The following TRPC5 variants were observed in gnomAD, a reference collection of about 807,000 sequenced individuals.
TRPC5 encodes short transient receptor potential channel 5.
Under a neutral mutation model 56.5 loss-of-function variants are expected in TRPC5, and 9 were observed. That is an observed-to-expected ratio of 0.16 (90% CI 0.10 to 0.28). TRPC5 has a LOEUF of 0.28. Among genes scored for constraint, TRPC5 ranks in the 10% least tolerant of loss-of-function variants. The pLI, the probability that TRPC5 is intolerant of heterozygous loss-of-function variation, is 1.00. For synonymous variants in TRPC5, 282 were observed against 278.5 expected (o/e 1.01, Z -0.13); for missense variants, 469 against 748.9 (o/e 0.63, Z 4.36).
chrX:112,030,114 C>T (rs946277681), intron 1 of TRPC5, among the ~76,000 whole-genome samples: 1 of 112,388 alleles, frequency 8.9e-6, no homozygotes, highest in African/African-American at 3.2e-5. Context: ...CGTGAGCCAC[C>T]GCACCCAGCT....
At chrX:111,829,614 C>T (rs751451229) in intron 7 of TRPC5, among the ~76,000 whole-genome samples, 1 of 112,516 alleles carries the variant, frequency 8.9e-6, no homozygotes, top group East Asian at 2.8e-4. Flanking sequence ...CCGATCTAGC[C>T]ATGGCTAAAA....
At chrX:111,873,968 C>T (rs1036819635) in intron 3 of TRPC5, among the ~76,000 whole-genome samples, 1 of 111,793 alleles carries the variant, frequency 8.9e-6, no homozygotes, top group Non-Finnish European at 1.9e-5. Flanking sequence ...CCATCCACCA[C>T]ACTCCTACAC....
At chrX:111,950,681 G>T (rs1225250824) in intron 2 of TRPC5, among the ~76,000 whole-genome samples, 4 of 112,081 alleles carry the variant, frequency 3.6e-5, no homozygotes, top group African/African-American at 1.3e-4. Context: ...AAAAAAGACA[G>T]CATTAGTTCT....
intron 7 of TRPC5, among the ~76,000 whole-genome samples, chrX:111,809,010 A>T (rs1300097346): frequency 9.1e-6 from 1 of 109,776 alleles, no homozygotes. Context: ...ACTGTGGCTG[A>T]GCCGGTATCC....
chrX:112,031,642 CATAG>C (rs1339514582), intron 1 of TRPC5, among the ~76,000 whole-genome samples: 1 of 108,841 alleles, frequency 9.2e-6, no homozygotes, highest in Non-Finnish European at 1.9e-5. Flanking sequence ...ATAATATTAT[CATAG>C]ATATAGACAT....
At position 111,776,142 on chromosome X, in the gene TRPC5, TAAAAC is replaced by T. The variant is rs898025258; in HGVS notation, c.*166_*170del. The T allele has an allele frequency of 1.2e-4, 54 of 448,310 alleles. No homozygotes were observed. Among genetic ancestry groups the T allele is most frequent in the Non-Finnish European group, 1.2e-4 (35 of 282,679 alleles). 36.9% of individuals were successfully genotyped at this position (448,310 alleles called of 1,213,427 possible). A position where few individuals can be genotyped will look rare whatever the true frequency, so the allele number is the denominator to read the frequency against. On this transcript the variant is annotated 3_prime_UTR_variant, in exon 11 of 11. Coordinates refer to ENST00000262839, the MANE Select transcript of TRPC5 (RefSeq NM_012471.3). ...AGGCAAATAATAATGAAAGTAATAATAAAACAAGAACAAAAATGGAGAATGTGGCT... is the reference window on the plus strand; with the variant it reads ...AGGCAAATAATAATGAAAGTAATAATAAGAACAAAAATGGAGAATGTGGCT...
intron 1 of TRPC5, among the ~76,000 whole-genome samples, chrX:112,032,524 T>C (rs73548199): frequency 0.034 from 3,856 of 112,176 alleles, 96 homozygotes; most frequent in African/African-American, 0.083. Flanking sequence ...CATAAATCCA[T>C]TGATGGGCAT....
chrX:111,925,947 G>A (rs180838602), intron 2 of TRPC5, among the ~76,000 whole-genome samples: 1 of 111,626 alleles, frequency 9.0e-6, no homozygotes, highest in East Asian at 2.8e-4. Context: ...TTCCGTGCAC[G>A]GTAGGATGTT....
At chrX:111,856,663 A>C (rs368849121) in intron 3 of TRPC5, among the ~76,000 whole-genome samples, 18 of 107,872 alleles carry the variant, frequency 1.7e-4, no homozygotes, top group African/African-American at 5.8e-4. Context: ...TAAGAATACA[A>C]AAATTAGCTG....
At chrX:112,028,783 A>G (rs1929499968) in intron 1 of TRPC5, among the ~76,000 whole-genome samples, 2 of 112,017 alleles carry the variant, frequency 1.8e-5, no homozygotes, top group Non-Finnish European at 3.8e-5. Flanking sequence ...TCCTTTGGGT[A>G]TATACCCAGT....
intron 5 of TRPC5, among the ~76,000 whole-genome samples, chrX:111,847,672 T>C (rs3027717): frequency 9.0e-6 from 1 of 111,555 alleles, no homozygotes; most frequent in African/African-American, 3.3e-5. Context: ...GATGTACACA[T>C]AGAAGAATAA....
chrX:112,060,385 C>A (rs751284421), intron 1 of TRPC5, among the ~76,000 whole-genome samples: 173 of 112,119 alleles, frequency 1.5e-3, no homozygotes, highest in Admixed American at 2.0e-3. Flanking sequence ...ATTTCCCTCA[C>A]AAAATAAAGT....
At chrX:111,928,645 G>A (rs1926324978) in intron 2 of TRPC5, among the ~76,000 whole-genome samples, 1 of 111,976 alleles carries the variant, frequency 8.9e-6, no homozygotes, top group Non-Finnish European at 1.9e-5. Context: ...AGAAGGGAGG[G>A]CTGCTTTGGG....
At chrX:111,860,010 G>A (rs763049167) in intron 3 of TRPC5, among the ~76,000 whole-genome samples, 9 of 112,888 alleles carry the variant, frequency 8.0e-5, no homozygotes, top group Non-Finnish European at 1.5e-4. Context: ...CTGGGTTTAC[G>A]CCATTCTCCT....
intron 9 of TRPC5, 147 bp downstream of exon 9, chrX:111,781,018 C>T (rs1397614937): frequency 3.4e-6 from 2 of 591,060 alleles, no homozygotes; most frequent in Admixed American, 2.3e-5. Context: ...GGAGAAGGTA[C>T]TTCAGCCCTT....
At chrX:111,777,867 TC>T (rs1451906471) in intron 10 of TRPC5, among the ~76,000 whole-genome samples, 3 of 112,637 alleles carry the variant, frequency 2.7e-5, no homozygotes, top group African/African-American at 9.7e-5. Context: ...CAGATGAGCG[TC>T]CCTCCTCTCT....
At chrX:112,066,178 C>T (rs1930579131) in intron 1 of TRPC5, among the ~76,000 whole-genome samples, 1 of 108,960 alleles carries the variant, frequency 9.2e-6, no homozygotes, top group Admixed American at 1.0e-4. Flanking sequence ...CAGGCAGAAC[C>T]AAACCCTTCT....
chrX:111,867,448 C>G (rs1481718395), intron 3 of TRPC5, among the ~76,000 whole-genome samples: 1 of 110,472 alleles, frequency 9.1e-6, no homozygotes, highest in Non-Finnish European at 1.9e-5. Context: ...AAATCACTTC[C>G]TTCTGGAAGC....
intron 1 of TRPC5, among the ~76,000 whole-genome samples, chrX:112,058,042 C>T (rs1350412809): frequency 8.9e-6 from 1 of 111,885 alleles, no homozygotes; most frequent in African/African-American, 3.2e-5. Context: ...ATTCTTGTTT[C>T]TGCTCTCTGT....
Sources: gnomAD v4.1 joint callset for allele counts (sites outside exome capture counted in the v4.1 genomes callset) on GRCh38, gnomAD v4.1.1 for gene constraint, MANE v1.5 for transcripts, NCBI Gene and HGNC (gene_info 2026-07-23, HGNC 2026-07-21) for gene names.